Variants in STX8 observed in about 807,000 individuals in gnomAD.
The protein encoded by STX8 is syntaxin 8.
Under a neutral mutation model 37.5 loss-of-function variants are expected in STX8, and 23 were observed. The ratio of observed to expected loss-of-function variants is 0.61; its 90% confidence interval spans 0.44 to 0.87. The LOEUF (loss-of-function observed/expected upper bound fraction) is 0.87, where lower values mean the gene tolerates loss of function less well. STX8 is among the 40% of genes least tolerant of loss of function. STX8 has a pLI of 0.00. For synonymous variants in STX8, 115 were observed against 99.1 expected (o/e 1.16, Z -0.95); for missense variants, 313 against 284.7 (o/e 1.10, Z -0.71).
At chr17:9,538,985 T>C (rs1444727274) in intron 4 of STX8, among the ~76,000 whole-genome samples, 1 of 152,210 alleles carries the variant, frequency 6.6e-6, no homozygotes, top group African/African-American at 2.4e-5. Flanking sequence ...GAGACAGGGC[T>C]TATCTTCTTC....
intron 6 of STX8, among the ~76,000 whole-genome samples, chr17:9,417,914 C>T (rs1285605182): frequency 6.6e-6 from 1 of 152,198 alleles, no homozygotes; most frequent in African/African-American, 2.4e-5. Context: ...GCTGGGGACA[C>T]TTCTGGACCT....
At chr17:9,343,177 C>T (rs545302769) in intron 7 of STX8, among the ~76,000 whole-genome samples, 3 of 152,192 alleles carry the variant, frequency 2.0e-5, no homozygotes, top group East Asian at 3.9e-4. Flanking sequence ...GTTCAAGAAG[C>T]AGTGGAGATG....
At chr17:9,282,359 C>T (rs1306317061) in intron 7 of STX8, among the ~76,000 whole-genome samples, 1 of 152,200 alleles carries the variant, frequency 6.6e-6, no homozygotes, top group African/African-American at 2.4e-5. Flanking sequence ...GTCTCAAACT[C>T]CTGACCTCAA....
At chr17:9,268,723 C>T (rs940466501) in intron 7 of STX8, among the ~76,000 whole-genome samples, 4 of 152,168 alleles carry the variant, frequency 2.6e-5, no homozygotes, top group African/African-American at 9.7e-5. Flanking sequence ...GCTCTTCAAC[C>T]CCGACTCAGC....
chr17:9,304,507 CAAAAAAAAAAA>C (rs35673905), intron 7 of STX8, among the ~76,000 whole-genome samples: 3 of 56,890 alleles, frequency 5.3e-5, no homozygotes, highest in South Asian at 6.5e-4. Flanking sequence ...GAAACTGTCT[CAAAAAAAAAAA>C]AAAAAAAAAA....
Position 9,568,450 on chromosome 17 carries a change from G to A in STX8, c.38C>T (p.Thr13Ile). The A allele has an allele frequency of 6.2e-7, 1 of 1,612,700 alleles. No individual in the cohort carries two copies. Among genetic ancestry groups the A allele is most frequent in the Non-Finnish European group, 8.5e-7 (1 of 1,179,808 alleles). Residue 13 changes from threonine (T) to isoleucine (I), a missense_variant, in exon 2 of 8, where the codon ACT becomes ATT. Transcript: ENST00000306357. ...PDPWFSTYDSTCQIAQEIAEK... is the reference protein window; with the variant it reads ...PDPWFSTYDSICQIAQEIAEK... ...AGCAATTTCTTGGGCAATTTGACAA[G>A]TAGAATCGTATGTGGAGAACCTGCA... is the stretch of plus-strand genomic sequence containing the variant.
At chr17:9,299,646 T>C (rs1225950902) in intron 7 of STX8, among the ~76,000 whole-genome samples, 1 of 152,082 alleles carries the variant, frequency 6.6e-6, no homozygotes, top group Non-Finnish European at 1.5e-5. Context: ...GGTTTCACCG[T>C]GTTAGCCAGG....
chr17:9,389,317 T>C (rs1049326289), intron 6 of STX8, among the ~76,000 whole-genome samples: 2 of 152,268 alleles, frequency 1.3e-5, no homozygotes, highest in South Asian at 4.1e-4. Flanking sequence ...TTTCAGAGTA[T>C]AGGTTGTGAA....
chr17:9,472,800 C>A (rs1364510069), intron 6 of STX8, among the ~76,000 whole-genome samples: 1 of 152,210 alleles, frequency 6.6e-6, no homozygotes, highest in Non-Finnish European at 1.5e-5. Flanking sequence ...TTTTCCTTGA[C>A]AAGTGTTTCC....
chr17:9,257,998 C>G (rs1057174278), intron 7 of STX8, among the ~76,000 whole-genome samples: 3 of 152,022 alleles, frequency 2.0e-5, no homozygotes, highest in African/African-American at 7.2e-5. Flanking sequence ...AAAACAAAAA[C>G]AAAAACAAAA....
chr17:9,425,716 T>A (rs563880729), intron 6 of STX8, among the ~76,000 whole-genome samples: 1 of 152,326 alleles, frequency 6.6e-6, no homozygotes, highest in Admixed American at 6.5e-5. Context: ...TTTCTTCCAG[T>A]TAAGTGACAG....
At chr17:9,392,368 G>A (rs1286889021) in intron 6 of STX8, among the ~76,000 whole-genome samples, 2 of 152,166 alleles carry the variant, frequency 1.3e-5, no homozygotes, top group Non-Finnish European at 2.9e-5. Context: ...GGCATTTTTG[G>A]GAGCTGAATC....
At chr17:9,421,241 A>C (rs1380296082) in intron 6 of STX8, among the ~76,000 whole-genome samples, 2 of 151,528 alleles carry the variant, frequency 1.3e-5, no homozygotes, top group Non-Finnish European at 2.9e-5. Context: ...AAATATACGA[A>C]ATTAGCCGGG....
intron 7 of STX8, among the ~76,000 whole-genome samples, chr17:9,362,395 G>T (rs1054442141): frequency 6.6e-6 from 1 of 152,110 alleles, no homozygotes; most frequent in Admixed American, 6.5e-5. Context: ...AAAACATAAG[G>T]AATCTCTATC....
At chr17:9,535,644 G>C (rs535919750) in intron 4 of STX8, among the ~76,000 whole-genome samples, 93 of 151,892 alleles carry the variant, frequency 6.1e-4, no homozygotes, top group African/African-American at 2.1e-3. Context: ...GTGTTAGCCA[G>C]GATGGTCTCA....
At chr17:9,471,309 A>C (rs1401291952) in intron 6 of STX8, among the ~76,000 whole-genome samples, 3 of 150,356 alleles carry the variant, frequency 2.0e-5, no homozygotes, top group South Asian at 4.2e-4. Context: ...CCGCCATCAC[A>C]CCCAGCTAAT....
intron 4 of STX8, among the ~76,000 whole-genome samples, chr17:9,520,837 G>C (rs767106883): frequency 6.6e-6 from 1 of 152,106 alleles, no homozygotes; most frequent in South Asian, 2.1e-4. Context: ...CTTTCTTAGC[G>C]TTTCAAAAAG....
At chr17:9,311,711 A>C (rs1909194028) in intron 7 of STX8, among the ~76,000 whole-genome samples, 1 of 152,202 alleles carries the variant, frequency 6.6e-6, no homozygotes, top group Non-Finnish European at 1.5e-5. Flanking sequence ...CAGTTTCTTC[A>C]TCTGCGAATG....
chr17:9,530,251 C>T (rs1824497039), intron 4 of STX8, among the ~76,000 whole-genome samples: 1 of 146,660 alleles, frequency 6.8e-6, no homozygotes, highest in African/African-American at 2.5e-5. Context: ...GTGGGGCTTG[C>T]AGTGAGCCGA....
Sources: allele counts gnomAD v4.1 joint callset (sites outside exome capture counted in the v4.1 genomes callset), GRCh38; gene constraint gnomAD v4.1.1; transcripts MANE v1.5; gene names NCBI Gene and HGNC (gene_info 2026-07-23, HGNC 2026-07-21).